SYT17: variants seen among roughly 807,000 people sequenced by gnomAD.
SYT17 encodes synaptotagmin 17, also known as synaptotagmin-17.
SYT17 carries 22 observed loss-of-function variants against 46.7 expected under a neutral mutation model. The observed-to-expected ratio is 0.47, with a 90% CI of 0.34 to 0.67. The LOEUF is 0.67. SYT17 is among the 30% of genes least tolerant of loss of function. The pLI is 0.01. For missense variants in SYT17, 519 were observed against 612.8 expected (o/e 0.85, Z 1.62); for synonymous variants, 251 against 248.4 (o/e 1.01, Z -0.10).
At chr16:19,256,760 T>G (rs1968604346) in intron 7 of SYT17, among the ~76,000 whole-genome samples, 1 of 152,028 alleles carries the variant, frequency 6.6e-6, no homozygotes, top group Non-Finnish European at 1.5e-5. Context: ...TAAATTTTTT[T>G]ATAGAGACAG....
chr16:19,172,807 G>T, intron 2 of SYT17, 30 bp downstream of exon 2: 1 of 1,613,746 alleles, frequency 6.2e-7, no homozygotes, highest in South Asian at 1.1e-5. Context: ...TGTTTGGTCT[G>T]GTTTCTAATC....
rs1424542702 is a variant in SYT17 at position 19,266,963 on chromosome 16, A to G, written c.1312A>G (p.Asn438Asp). ...GTACTCTTCAGGCCCCTCTGAGACC[A>G]ACCACTGGAGGCGCATGCTCAACAC... ...GQYSSGPSET[N>D]HWRRMLNTHR... The change falls in exon 8 of 8, where the codon AAC becomes GAC. Residue 438 changes from asparagine to aspartate, a missense_variant. Transcript: ENST00000355377. 5 of 1,613,814 alleles carry G rather than the reference A, an allele frequency of 3.1e-6. No homozygotes were observed. The African/African-American group carries it at 6.7e-5, about 22-fold the overall frequency.
chr16:19,233,229 T>C lies in SYT17; in HGVS notation c.1228+8391T>C, dbSNP rs76948266. Among the ~76,000 whole-genome samples, 675 of 152,276 alleles carry C rather than the reference T, an allele frequency of 4.4e-3. 1 individual carries two copies. Among genetic ancestry groups the C allele is most frequent in the African/African-American group, 0.014 (562 of 41,544 alleles). ...GCAGCTGTAGCATCAAATCAGCTAA[T>C]TGAATCTGCTGGTGAGATGAGATGG... On this transcript the variant is annotated intron_variant, in intron 7 of 7. Coordinates refer to ENST00000355377, the MANE Select transcript of SYT17 (RefSeq NM_016524.4).
rs375831645 is a variant in SYT17 at position 19,266,983 on chromosome 16, C to G, written c.1332C>G (p.Leu444=). Residue 444 remains leucine (L), a synonymous_variant, in exon 8 of 8, where the codon CTC becomes CTG. Transcript: ENST00000355377. The part of the protein sequence containing the change: ...PSETNHWRRM[L]NTHRTAVEQW... ...AGACCAACCACTGGAGGCGCATGCTCAACACGCACCGCACAGCCGTGGAGC... is the reference window on the plus strand; with the variant it reads ...AGACCAACCACTGGAGGCGCATGCTGAACACGCACCGCACAGCCGTGGAGC... 6 of 1,613,716 alleles carry G rather than the reference C, an allele frequency of 3.7e-6. No homozygotes were observed. Among genetic ancestry groups the G allele is most frequent in the Non-Finnish European group, 5.1e-6 (6 of 1,180,016 alleles).
chr16:19,243,804 G>A (rs997719077), intron 7 of SYT17, among the ~76,000 whole-genome samples: 2 of 102,526 alleles, frequency 2.0e-5, no homozygotes, highest in Non-Finnish European at 3.6e-5. Flanking sequence ...GGCAACAAGA[G>A]CGAAAAAACT....
chr16:19,234,240 C>T (rs543674994), intron 7 of SYT17, among the ~76,000 whole-genome samples: 25 of 152,158 alleles, frequency 1.6e-4, no homozygotes, highest in Non-Finnish European at 2.9e-4. Flanking sequence ...TTGGGAGGAT[C>T]GCTTGAACCC....
At chr16:19,231,207 C>A (rs1966669043) in intron 7 of SYT17, among the ~76,000 whole-genome samples, 1 of 152,110 alleles carries the variant, frequency 6.6e-6, no homozygotes, top group African/African-American at 2.4e-5. Context: ...ATGTGTTGAG[C>A]CTCTAGCCTT....
At chr16:19,216,178 TC>T (rs1966088860) in intron 5 of SYT17, among the ~76,000 whole-genome samples, 1 of 152,090 alleles carries the variant, frequency 6.6e-6, no homozygotes. Flanking sequence ...AGTGAAGGCT[TC>T]CCTCATTCTG....
chr16:19,171,080 A>G (rs1964062650), intron 1 of SYT17: 1 of 152,146 alleles, frequency 6.6e-6, no homozygotes, highest in Non-Finnish European at 1.5e-5. Flanking sequence ...AAGTCACATG[A>G]TCAGTCGATG....
intron 7 of SYT17, among the ~76,000 whole-genome samples, chr16:19,230,894 C>G (rs955686749): frequency 6.6e-6 from 1 of 152,148 alleles, no homozygotes; most frequent in Non-Finnish European, 1.5e-5. Flanking sequence ...AGAGAAAGTC[C>G]TCTTTAAATA....
Position 19,267,362 on chromosome 16 carries a change from G to A in SYT17, c.*286G>A, listed in dbSNP as rs1416537714. ...CTCTGCCGTGGGACTTATTGGCAGT[G>A]CCTGCTCTTGTCAATACTCCTGCCC... On this transcript the variant is annotated 3_prime_UTR_variant, in exon 8 of 8. Transcript: ENST00000355377. 1 of 284,674 alleles carries A rather than the reference G, an allele frequency of 3.5e-6. No individual in the cohort carries two copies. Among genetic ancestry groups the A allele is most frequent in the East Asian group, 6.7e-5 (1 of 14,830 alleles). 17.6% of individuals were successfully genotyped at this position (284,674 alleles called of 1,614,324 possible).
chr16:19,212,919 C>T (rs972232336), intron 5 of SYT17, among the ~76,000 whole-genome samples: 5 of 152,202 alleles, frequency 3.3e-5, no homozygotes, highest in African/African-American at 1.2e-4. Flanking sequence ...GAAATCTTAG[C>T]TGGATCTTTC....
chr16:19,238,298 T>C (rs887441686), intron 7 of SYT17, among the ~76,000 whole-genome samples: 1 of 152,192 alleles, frequency 6.6e-6, no homozygotes, highest in Non-Finnish European at 1.5e-5. Context: ...AAGGAAATAA[T>C]GTATAAATGG....
At chr16:19,195,198 G>A (rs1440107794) in intron 5 of SYT17, among the ~76,000 whole-genome samples, 1 of 152,096 alleles carries the variant, frequency 6.6e-6, no homozygotes, top group African/African-American at 2.4e-5. Context: ...CTTTTATTGT[G>A]TGAACTATTA....
chr16:19,172,464 G>A (rs570800752), intron 1 of SYT17: 101 of 1,453,174 alleles, frequency 7.0e-5, no homozygotes, highest in South Asian at 6.8e-4. Flanking sequence ...CTATCCGCCC[G>A]CTCTGATTCA....
At chr16:19,186,059 T>A (rs1270961391) in intron 5 of SYT17, among the ~76,000 whole-genome samples, 1 of 152,160 alleles carries the variant, frequency 6.6e-6, no homozygotes, top group Non-Finnish European at 1.5e-5. Flanking sequence ...CAGCCGGGCC[T>A]GTTTCAGGTC....
chr16:19,196,038 C>A (rs535036350), intron 5 of SYT17, among the ~76,000 whole-genome samples: 3 of 151,998 alleles, frequency 2.0e-5, no homozygotes, highest in African/African-American at 7.2e-5. Flanking sequence ...TGGAGTCATG[C>A]TATATATGCT....
chr16:19,224,638 G>T, intron 6 of SYT17, 45 bp from the exon 7 acceptor site: 1 of 1,604,606 alleles, frequency 6.2e-7, no homozygotes, highest in Non-Finnish European at 8.5e-7. Context: ...GACGGATTAG[G>T]TTTCATGATC....
chr16:19,235,111 A>C (rs1966833380), intron 7 of SYT17, among the ~76,000 whole-genome samples: 1 of 152,180 alleles, frequency 6.6e-6, no homozygotes, highest in South Asian at 2.1e-4. Context: ...TGAGCTGCAG[A>C]GCGAAGGGAT....
Sources: gnomAD v4.1 joint callset for allele counts (sites outside exome capture counted in the v4.1 genomes callset) on GRCh38, gnomAD v4.1.1 for gene constraint, MANE v1.5 for transcripts, NCBI Gene and HGNC (gene_info 2026-07-23, HGNC 2026-07-21) for gene names.